TRAPPC9: variants seen among roughly 807,000 people sequenced by gnomAD.
The protein encoded by TRAPPC9 is trafficking protein particle complex subunit 9.
A neutral mutation model predicts 124.0 loss-of-function variants in TRAPPC9; 83 were observed. The observed-to-expected ratio is 0.67, with a 90% CI of 0.56 to 0.80. TRAPPC9 has a LOEUF of 0.80. TRAPPC9 is among the 30% of genes least tolerant of loss of function. The probability of loss-of-function intolerance (pLI) is 0.00; values close to 1 mark genes in which losing one functional copy is unlikely to be tolerated. For synonymous variants in TRAPPC9, 638 were observed against 617.5 expected (o/e 1.03, Z -0.49); for missense variants, 1,302 against 1,508.3 (o/e 0.86, Z 2.27).
chr8:140,161,585 T>C (rs540696933), intron 17 of TRAPPC9, among the ~76,000 whole-genome samples: 4 of 152,298 alleles, frequency 2.6e-5, no homozygotes, highest in African/African-American at 9.6e-5. Context: ...AACAAAGTCT[T>C]GACTGCATTT....
chr8:140,404,893 CGT>C lies in TRAPPC9; in HGVS notation c.1008+682_1008+683del, dbSNP rs1009283803. Among the ~76,000 whole-genome samples the C allele has an allele frequency of 6.7e-4, 42 of 62,392 alleles. 1 individual carries two copies. In the South Asian group the frequency reaches 0.021, roughly 31 times the overall value. The allele number at this position is 62,392 out of a possible 152,430, so 40.9% of individuals were successfully genotyped here. A position where few individuals can be genotyped will look rare whatever the true frequency, so the allele number is the denominator to read the frequency against. ...ATGCGCGTGTAAGTGCATGTGTGCA[CGT>C]GTGTGTGAGCATGCGTGTGTGTGTG... On this transcript the variant is annotated intron_variant, in intron 6 of 22. Transcript: ENST00000438773.
intron 17 of TRAPPC9, among the ~76,000 whole-genome samples, chr8:140,171,865 T>TGCAGGAATCACCGAGGGTGCTA (rs1223729385): frequency 6.6e-6 from 1 of 152,166 alleles, no homozygotes; most frequent in Non-Finnish European, 1.5e-5. Flanking sequence ...CAAGGCACTG[T>TGCAGGAATCACCGAGGGTGCTA]GCAGGAATCA....
chr8:140,056,959 T>A lies in TRAPPC9; in HGVS notation c.2557-32880A>T, dbSNP rs1278775702. 3.3e-5 allele frequency among the ~76,000 whole-genome samples: 5 copies of A among 152,316 alleles called. No homozygotes were observed. In the South Asian group the frequency reaches 1.0e-3, roughly 32 times the overall value. On this transcript the variant is annotated intron_variant, in intron 17 of 22. Transcript: ENST00000438773. Reference sequence around the variant, plus strand: ...AAAACGTATAAAGAACTCCTACAACTAACTACTGTAGTTAACTAAATAATA... The same window carrying A: ...AAAACGTATAAAGAACTCCTACAACAAACTACTGTAGTTAACTAAATAATA...
At chr8:140,393,133 G>A (rs992495235) in intron 7 of TRAPPC9, among the ~76,000 whole-genome samples, 8 of 150,728 alleles carry the variant, frequency 5.3e-5, no homozygotes, top group Admixed American at 4.7e-4. Context: ...GTGCAGTGGC[G>A]CCATCTCGGC....
intron 17 of TRAPPC9, among the ~76,000 whole-genome samples, chr8:140,041,277 T>C (rs925870956): frequency 6.6e-6 from 1 of 152,156 alleles, no homozygotes; most frequent in South Asian, 2.1e-4. Flanking sequence ...GGAAAAAATA[T>C]ACACATATAT....
At chr8:140,156,700 A>G (rs900520857) in intron 17 of TRAPPC9, among the ~76,000 whole-genome samples, 3 of 152,252 alleles carry the variant, frequency 2.0e-5, no homozygotes, top group Non-Finnish European at 4.4e-5. Flanking sequence ...AGATGAAGAA[A>G]AATCGTCTGT....
intron 5 of TRAPPC9, among the ~76,000 whole-genome samples, chr8:140,421,582 T>C (rs1009442975): frequency 4.6e-5 from 7 of 152,182 alleles, no homozygotes; most frequent in African/African-American, 1.4e-4. Context: ...ATTCTGTCAT[T>C]GTACACAGTG....
At chr8:140,123,290 C>T (rs1443260622) in intron 17 of TRAPPC9, among the ~76,000 whole-genome samples, 1 of 152,226 alleles carries the variant, frequency 6.6e-6, no homozygotes, top group African/African-American at 2.4e-5. Flanking sequence ...CACTGCCACG[C>T]TTGCATCTTG....
intron 21 of TRAPPC9, among the ~76,000 whole-genome samples, chr8:139,864,560 C>T (rs553729138): frequency 2.7e-4 from 41 of 152,302 alleles, no homozygotes; most frequent in African/African-American, 9.9e-4. Context: ...TTCAAACGTC[C>T]ACTCTGTGAC....
intron 17 of TRAPPC9, among the ~76,000 whole-genome samples, chr8:140,035,821 C>G (rs1458757495): frequency 6.6e-6 from 1 of 152,248 alleles, no homozygotes; most frequent in East Asian, 1.9e-4. Flanking sequence ...CGTGAGCCCA[C>G]AGCCAACACC....
chr8:140,422,888 G>C (rs1228968359), intron 5 of TRAPPC9, among the ~76,000 whole-genome samples: 1 of 152,140 alleles, frequency 6.6e-6, no homozygotes, highest in East Asian at 1.9e-4. Flanking sequence ...ATGAAGAGAT[G>C]CACATCATTA....
intron 19 of TRAPPC9, among the ~76,000 whole-genome samples, chr8:139,977,393 G>T (rs1023800032): frequency 1.3e-5 from 2 of 151,940 alleles, no homozygotes; most frequent in African/African-American, 4.8e-5. Context: ...AGGCCGAGGC[G>T]GGTGGATCAC....
chr8:140,272,871 AG>A (rs1216969752), intron 15 of TRAPPC9, among the ~76,000 whole-genome samples: 1 of 133,202 alleles, frequency 7.5e-6, no homozygotes, highest in African/African-American at 2.8e-5. Context: ...ACCCCCCACC[AG>A]ACCCCCCTCC....
At chr8:140,279,614 C>T (rs181232099) in intron 14 of TRAPPC9, among the ~76,000 whole-genome samples, 10 of 152,324 alleles carry the variant, frequency 6.6e-5, no homozygotes, top group Admixed American at 2.6e-4. Context: ...AGGGCCCAGG[C>T]TCGGTGCCGT....
intron 18 of TRAPPC9, among the ~76,000 whole-genome samples, chr8:139,994,134 A>G (rs1837817445): frequency 2.0e-5 from 3 of 152,204 alleles, no homozygotes; most frequent in African/African-American, 7.2e-5. Context: ...AGAGCCTGAG[A>G]AAAGGGTTTG....
chr8:139,972,671 G>A (rs867418616), intron 19 of TRAPPC9, among the ~76,000 whole-genome samples: 1 of 152,178 alleles, frequency 6.6e-6, no homozygotes, highest in Non-Finnish European at 1.5e-5. Flanking sequence ...AATCACAGGT[G>A]CTGTGGCCAA....
chr8:140,280,349 C>T (rs559154138), intron 14 of TRAPPC9, among the ~76,000 whole-genome samples: 28 of 152,320 alleles, frequency 1.8e-4, no homozygotes, highest in Non-Finnish European at 3.5e-4. Flanking sequence ...GTATAAAATC[C>T]ACCTAGCTTA....
intron 15 of TRAPPC9, among the ~76,000 whole-genome samples, chr8:140,273,222 T>C (rs2065013582): frequency 1.3e-5 from 2 of 152,172 alleles, no homozygotes; most frequent in Non-Finnish European, 2.9e-5. Flanking sequence ...TCGTCCAACC[T>C]CTTCACAGGC....
chr8:140,400,139 T>A (rs1237433391), intron 6 of TRAPPC9, among the ~76,000 whole-genome samples: 1 of 152,230 alleles, frequency 6.6e-6, no homozygotes, highest in African/African-American at 2.4e-5. Context: ...TAAGTCCAAT[T>A]AAACCTCTTT....
Sources: allele counts gnomAD v4.1 joint callset (sites outside exome capture counted in the v4.1 genomes callset), GRCh38; gene constraint gnomAD v4.1.1; transcripts MANE v1.5; gene names NCBI Gene and HGNC (gene_info 2026-07-23, HGNC 2026-07-21).